OGFOD1: variants seen among roughly 807,000 people sequenced by gnomAD.
OGFOD1 encodes 2-oxoglutarate and iron dependent oxygenase domain containing 1, also known as prolyl 3-hydroxylase OGFOD1.
In OGFOD1, 54 loss-of-function variants were observed where a neutral mutation model predicts 67.7. The observed-to-expected ratio is 0.80, with a 90% CI of 0.64 to 1.00. The LOEUF is 1.00. OGFOD1 is among the 50% of genes least tolerant of loss of function. The pLI is 0.00. For missense variants in OGFOD1, 606 were observed against 646.7 expected (o/e 0.94, Z 0.68); for synonymous variants, 221 against 227.0 (o/e 0.97, Z 0.24).
chr16:56,465,186 G>C (rs1435719795), intron 4 of OGFOD1, among the ~76,000 whole-genome samples: 1 of 151,958 alleles, frequency 6.6e-6, no homozygotes, highest in Non-Finnish European at 1.5e-5. Flanking sequence ...TTTTAGTAGA[G>C]ATGGGGTTTT....
intron 4 of OGFOD1, chr16:56,465,679 CAACTT>C (rs1395426868): frequency 6.5e-6 from 1 of 153,532 alleles, no homozygotes; most frequent in African/African-American, 2.4e-5. Flanking sequence ...GAAATAGAAA[CAACTT>C]AATTAACAAA....
chr16:56,460,251 GCAA>G (rs1962668645), intron 3 of OGFOD1, among the ~76,000 whole-genome samples: 1 of 152,224 alleles, frequency 6.6e-6, no homozygotes, highest in Non-Finnish European at 1.5e-5. Context: ...TGAGCAAGCT[GCAA>G]CTCCGTAATC....
At position 56,462,560 on chromosome 16, in the gene OGFOD1, C is replaced by A; in HGVS notation, c.374C>A (p.Ser125Tyr). 2 of 1,612,436 alleles carry A rather than the reference C, an allele frequency of 1.2e-6. No homozygotes were observed. Among genetic ancestry groups the A allele is most frequent in the South Asian group, 2.2e-5 (2 of 91,014 alleles). The change falls in exon 4 of 13, where the codon TCC becomes TAC. Residue 125 changes from serine (S) to tyrosine (Y), a missense_variant. Coordinates refer to ENST00000566157, the MANE Select transcript of OGFOD1 (RefSeq NM_018233.4). Reference sequence around the variant, plus strand: ...AAAATTCTGTTTGAAGATTTCCGGTCCTGGCTTTCTGATATTTCTAAAATT... The same window carrying A: ...AAAATTCTGTTTGAAGATTTCCGGTACTGGCTTTCTGATATTTCTAAAATT... ...LRKILFEDFR[S>Y]WLSDISKIDL... is the part of the protein sequence containing the mutation.
At chr16:56,458,429 G>A in intron 2 of OGFOD1, 119 bp from the exon 3 acceptor site, 1 of 867,536 alleles carries the variant, frequency 1.2e-6, no homozygotes, top group Non-Finnish European at 1.9e-6. Flanking sequence ...AAGCAGCCTG[G>A]CTTCAGAGTC....
chr16:56,462,566 T>C lies in OGFOD1; in HGVS notation c.380T>C (p.Leu127Pro). Reference protein sequence around the residue: ...KILFEDFRSWLSDISKIDLES... With the variant: ...KILFEDFRSWPSDISKIDLES... ...CTGTTTGAAGATTTCCGGTCCTGGC[T>C]TTCTGATATTTCTAAAATTGACCTG... The change falls in exon 4 of 13, where the codon CTT (leucine) becomes CCT (proline). Residue 127 changes from leucine (L) to proline (P), a missense_variant. By Grantham distance (98) the Leu-to-Pro change is moderately conservative. Transcript: ENST00000566157. The C allele has an allele frequency of 3.7e-6, 6 of 1,613,014 alleles. No homozygotes were observed. Among genetic ancestry groups the C allele is most frequent in the Non-Finnish European group, 5.1e-6 (6 of 1,179,044 alleles).
intron 5 of OGFOD1, 128 bp downstream of exon 5, chr16:56,466,396 T>C: frequency 6.4e-6 from 4 of 625,100 alleles, no homozygotes; most frequent in Non-Finnish European, 1.1e-5. Flanking sequence ...CTATTTATTA[T>C]AGTAACTACC....
At chr16:56,453,562 T>C in intron 2 of OGFOD1, 154 bp downstream of exon 2, 1 of 650,148 alleles carries the variant, frequency 1.5e-6, no homozygotes, top group Non-Finnish European at 2.6e-6. Context: ...TTAACCAAGC[T>C]TACTGAGTGT....
intron 2 of OGFOD1, among the ~76,000 whole-genome samples, chr16:56,457,095 T>C (rs554610567): frequency 2.6e-4 from 39 of 152,294 alleles, no homozygotes; most frequent in Non-Finnish European, 3.4e-4. Context: ...CCCAAGATAA[T>C]TAAAAATATG....
In OGFOD1 at chr16:56,466,280, A is replaced by AT; in HGVS notation, c.565+13dup. Reference sequence around the variant, plus strand: ...GTACAGCATTGATGGTAAGATAAGTATAAGTGCATGCACTTCACCACCAGT... The same window carrying AT: ...GTACAGCATTGATGGTAAGATAAGTATTAAGTGCATGCACTTCACCACCAGT... On this transcript the variant is annotated intron_variant, in intron 5 of 12. Coordinates refer to ENST00000566157, the MANE Select transcript of OGFOD1 (RefSeq NM_018233.4). The AT allele has an allele frequency of 6.5e-7, 1 of 1,545,964 alleles. No homozygotes were observed. The highest frequency in any genetic ancestry group is 2.2e-5 in the East Asian group (1 of 44,476).
intron 3 of OGFOD1, among the ~76,000 whole-genome samples, chr16:56,459,406 A>G (rs1366027520): frequency 6.6e-6 from 1 of 152,184 alleles, no homozygotes; most frequent in Non-Finnish European, 1.5e-5. Flanking sequence ...ATACAAGATT[A>G]CTTATTGTAA....
rs369051216 is a variant in OGFOD1, at chr16:56,476,854, G to C, written c.*649G>C. 1 of 152,336 alleles carries C rather than the reference G, an allele frequency of 6.6e-6. No homozygotes were observed. The highest frequency in any genetic ancestry group is 2.4e-5 in the African/African-American group (1 of 41,446). 9.4% of individuals were successfully genotyped at this position (152,336 alleles called of 1,614,324 possible). On this transcript the variant is annotated 3_prime_UTR_variant, in exon 13 of 13. Coordinates refer to ENST00000566157, the MANE Select transcript of OGFOD1 (RefSeq NM_018233.4). ...AAAAACTCATACGTGATTGCAGCCG[G>C]GCATGGTGGCTCACGCCTGTAATCC...
rs202166242 is a variant in OGFOD1, at chr16:56,454,654, A to T, written c.300+1246A>T. The T allele has an allele frequency of 5.4e-5, 7 of 129,390 alleles. No individual in the cohort carries two copies. The East Asian group carries it at 5.7e-4, about 11-fold the overall frequency. 8.0% of individuals were successfully genotyped at this position (129,390 alleles called of 1,614,324 possible). A position where few individuals can be genotyped will look rare whatever the true frequency, so the allele number is the denominator to read the frequency against. ...CATCTGTGCTTCAAATTGGGGGGGG[A>T]AAAAAAAAAGAAAGATTAAAAAGAT... On this transcript the variant is annotated intron_variant, in intron 2 of 12. Transcript: ENST00000566157.
intron 10 of OGFOD1, among the ~76,000 whole-genome samples, chr16:56,471,579 C>T (rs559650657): frequency 2.6e-5 from 4 of 152,336 alleles, no homozygotes; most frequent in Admixed American, 2.0e-4. Flanking sequence ...GTGAGAACAT[C>T]TGTCACCCAG....
At chr16:56,459,170 G>T (rs1012189196) in intron 3 of OGFOD1, among the ~76,000 whole-genome samples, 3 of 152,042 alleles carry the variant, frequency 2.0e-5, no homozygotes, top group Admixed American at 6.6e-5. Flanking sequence ...GAGAAACCCT[G>T]TCTCTACTAA....
Position 56,467,145 on chromosome 16 carries a change from T to C in OGFOD1, c.658-20T>C. 2 of 1,614,126 alleles carry C rather than the reference T, an allele frequency of 1.2e-6. No individual in the cohort carries two copies. The highest frequency in any genetic ancestry group is 1.7e-6 in the Non-Finnish European group (2 of 1,179,992). On this transcript the variant is annotated intron_variant, in intron 6 of 12. Coordinates refer to ENST00000566157, the MANE Select transcript of OGFOD1 (RefSeq NM_018233.4). ...CCCCCTATTCTTCGTGTTGATGTGC[T>C]ACTGGGCTTCTCCTTTCAGGTGTCT...
At chr16:56,451,538 C>T (rs1268602317), upstream of OGFOD1, 9 of 1,512,556 alleles carry the variant, frequency 6.0e-6, no homozygotes, top group Admixed American at 9.0e-5. Context: ...ATAAAGGGGA[C>T]ATGCCGGGAG....
Position 56,467,258 on chromosome 16 carries a change from C to T in OGFOD1, c.751C>T (p.Pro251Ser). 1 of 1,613,944 alleles carries T rather than the reference C, an allele frequency of 6.2e-7. No homozygotes were observed. Among genetic ancestry groups the T allele is most frequent in the Non-Finnish European group, 8.5e-7 (1 of 1,179,902 alleles). The change falls in exon 7 of 13, where the codon CCC becomes TCC. Residue 251 changes from proline to serine, a missense_variant. Transcript: ENST00000566157. ...GACTCGGCCTCCCAACTACTTTGAA[C>T]CCCCCATACCTCGGAGCCCTCACAT... ...SLTRPPNYFE[P>S]PIPRSPHIPQ... is the part of the protein sequence containing the mutation.
intron 4 of OGFOD1, among the ~76,000 whole-genome samples, chr16:56,463,350 A>G (rs1232789421): frequency 3.5e-5 from 3 of 86,300 alleles, no homozygotes; most frequent in African/African-American, 9.1e-5. Context: ...CATATCATGT[A>G]TCTTCATTTA....
At chr16:56,453,633 CTT>C in intron 2 of OGFOD1, 1 of 363,788 alleles carries the variant, frequency 2.7e-6, no homozygotes, top group South Asian at 5.7e-5. Context: ...CCCTGTAAGA[CTT>C]TAAAATCTAG....
Sources: gnomAD v4.1 joint callset for allele counts (sites outside exome capture counted in the v4.1 genomes callset) on GRCh38, gnomAD v4.1.1 for gene constraint, MANE v1.5 for transcripts, NCBI Gene and HGNC (gene_info 2026-07-23, HGNC 2026-07-21) for gene names.